HIVEP3: variants seen among roughly 807,000 people sequenced by gnomAD.
HIVEP3 encodes the protein transcription factor HIVEP3.
Under a neutral mutation model 152.8 loss-of-function variants are expected in HIVEP3, and 49 were observed. That is an observed-to-expected ratio of 0.32 (90% CI 0.26 to 0.41). The LOEUF is 0.41. HIVEP3 is among the 10% of genes least tolerant of loss of function. The pLI, the probability that HIVEP3 is intolerant of heterozygous loss-of-function variation, is 1.00. For synonymous variants in HIVEP3, 1,269 were observed against 1,289.0 expected (o/e 0.98, Z 0.33); for missense variants, 2,790 against 3,103.3 (o/e 0.90, Z 2.40).
intron 1 of HIVEP3, among the ~76,000 whole-genome samples, chr1:41,801,871 C>T (rs923266139): frequency 1.3e-5 from 2 of 152,156 alleles, no homozygotes; most frequent in African/African-American, 2.4e-5. Flanking sequence ...GAAGGGCCTT[C>T]GTTGCTTTGA....
rs1190247819 is a variant in HIVEP3 at position 41,507,018 on chromosome 1, G to A, written c.*3433C>T. 1 of 152,086 alleles carries A rather than the reference G, an allele frequency of 6.6e-6. No individual in the cohort carries two copies. The highest frequency in any genetic ancestry group is 1.9e-4 in the East Asian group (1 of 5,200). The allele number at this position is 152,086 out of a possible 1,614,324, so 9.4% of individuals were successfully genotyped here. ...ACACAGAAGCAGAATTGGTGGAACAGGCTTTCGGGAACTTTCTTCCCCTGG... is the reference window on the plus strand; with the variant it reads ...ACACAGAAGCAGAATTGGTGGAACAAGCTTTCGGGAACTTTCTTCCCCTGG... On this transcript the variant is annotated 3_prime_UTR_variant, in exon 9 of 9. Transcript: ENST00000372583.
intron 1 of HIVEP3, among the ~76,000 whole-genome samples, chr1:41,835,987 A>G (rs747654931): frequency 1.3e-5 from 2 of 152,158 alleles, no homozygotes; most frequent in Non-Finnish European, 2.9e-5. Flanking sequence ...TCCACCTGAT[A>G]TTTGTCTTTC....
At chr1:41,606,938 A>T (rs915120647) in intron 3 of HIVEP3, among the ~76,000 whole-genome samples, 11 of 151,832 alleles carry the variant, frequency 7.2e-5, no homozygotes, top group African/African-American at 2.7e-4. Context: ...TTCCTGCCCT[A>T]AAGTCAGTAT....
intron 1 of HIVEP3, among the ~76,000 whole-genome samples, chr1:41,899,860 T>A (rs1423994354): frequency 6.6e-6 from 1 of 152,162 alleles, no homozygotes; most frequent in African/African-American, 2.4e-5. Context: ...CTGTAAGTAG[T>A]AGGTCTAGAA....
chr1:41,832,423 C>T (rs1642990426), intron 1 of HIVEP3, among the ~76,000 whole-genome samples: 2 of 152,024 alleles, frequency 1.3e-5, no homozygotes, highest in Admixed American at 6.5e-5. Context: ...CCCAGCTACT[C>T]GGGAGGCTGA....
intron 1 of HIVEP3, among the ~76,000 whole-genome samples, chr1:41,813,820 A>G (rs1651106182): frequency 6.6e-6 from 1 of 152,136 alleles, no homozygotes; most frequent in South Asian, 2.1e-4. Context: ...ACACATGTAG[A>G]AGGGAACCAT....
At chr1:41,565,934 CT>C (rs1188096101) in intron 5 of HIVEP3, among the ~76,000 whole-genome samples, 1 of 152,162 alleles carries the variant, frequency 6.6e-6, no homozygotes, top group Non-Finnish European at 1.5e-5. Context: ...ATCAATATGT[CT>C]TTTTTCTTTC....
intron 3 of HIVEP3, among the ~76,000 whole-genome samples, chr1:41,589,524 G>A (rs548915101): frequency 2.3e-4 from 35 of 152,322 alleles, no homozygotes; most frequent in African/African-American, 8.4e-4. Context: ...AGCACCTTCT[G>A]TATCGAAGGC....
intron 1 of HIVEP3, among the ~76,000 whole-genome samples, chr1:41,995,014 A>C (rs910567354): frequency 6.6e-6 from 1 of 152,312 alleles, no homozygotes; most frequent in Non-Finnish European, 1.5e-5. Context: ...TATAAAAGAA[A>C]GTCTAAGATA....
chr1:41,995,143 T>C (rs1164625334), intron 1 of HIVEP3, among the ~76,000 whole-genome samples: 1 of 151,842 alleles, frequency 6.6e-6, no homozygotes, highest in Admixed American at 6.6e-5. Flanking sequence ...TGAAAGATGT[T>C]GATCACGAGT....
intron 2 of HIVEP3, among the ~76,000 whole-genome samples, chr1:41,661,647 T>A (rs543974797): frequency 6.6e-6 from 1 of 152,350 alleles, no homozygotes; most frequent in Admixed American, 6.5e-5. Flanking sequence ...TGGTGGGCTC[T>A]GACAGACTGA....
intron 1 of HIVEP3, among the ~76,000 whole-genome samples, chr1:41,889,707 G>A (rs1644416956): frequency 6.6e-6 from 1 of 152,218 alleles, no homozygotes; most frequent in African/African-American, 2.4e-5. Context: ...TGTGGGGAAT[G>A]AGGGCACCCA....
intron 5 of HIVEP3, among the ~76,000 whole-genome samples, chr1:41,566,674 G>A (rs1041651439): frequency 6.6e-6 from 1 of 152,174 alleles, no homozygotes; most frequent in African/African-American, 2.4e-5. Context: ...CCAGTCACCT[G>A]CACAGGGCCC....
chr1:41,518,536 A>G, intron 6 of HIVEP3, 48 bp from the exon 7 acceptor site: 1 of 1,543,720 alleles, frequency 6.5e-7, no homozygotes. Flanking sequence ...GCAGGAGGCC[A>G]GGGCGGACCC....
chr1:41,657,250 C>T (rs1645642327), intron 2 of HIVEP3, among the ~76,000 whole-genome samples: 1 of 152,212 alleles, frequency 6.6e-6, no homozygotes, highest in South Asian at 2.1e-4. Flanking sequence ...AGCAAGAGAC[C>T]AGGCTGATGC....
intron 1 of HIVEP3, among the ~76,000 whole-genome samples, chr1:41,990,050 C>T (rs348135): frequency 0.013 from 956 of 73,748 alleles, 11 homozygotes; most frequent in African/African-American, 0.061. Context: ...GATTTTGCAG[C>T]GGCTGGTACC....
chr1:41,512,217 G>A (rs1642448081), intron 8 of HIVEP3, among the ~76,000 whole-genome samples: 4 of 152,154 alleles, frequency 2.6e-5, no homozygotes. Flanking sequence ...TGTTAGAGGT[G>A]GGCCTGGTGG....
At chr1:41,607,804 C>T (rs1644842691) in intron 3 of HIVEP3, among the ~76,000 whole-genome samples, 1 of 152,210 alleles carries the variant, frequency 6.6e-6, no homozygotes, top group East Asian at 1.9e-4. Flanking sequence ...GTCTTATGTG[C>T]AATCTGAGTT....
At chr1:41,747,982 G>T (rs1472883029) in intron 1 of HIVEP3, among the ~76,000 whole-genome samples, 1 of 152,186 alleles carries the variant, frequency 6.6e-6, no homozygotes, top group East Asian at 1.9e-4. Context: ...ATGATCCAGA[G>T]AATCCAGAGA....
Sources: gnomAD v4.1 joint callset for allele counts (sites outside exome capture counted in the v4.1 genomes callset) on GRCh38, gnomAD v4.1.1 for gene constraint, MANE v1.5 for transcripts, NCBI Gene and HGNC (gene_info 2026-07-23, HGNC 2026-07-21) for gene names.